Variants in TRPV1 observed in about 807,000 individuals in gnomAD.
The protein encoded by TRPV1 is transient receptor potential cation channel subfamily V member 1.
A neutral mutation model predicts 82.3 loss-of-function variants in TRPV1; 82 were observed. The observed-to-expected ratio is 1.00, with a 90% CI of 0.83 to 1.20. TRPV1 has a LOEUF of 1.20. TRPV1 is among the 50% of genes most tolerant of loss of function. The pLI, the probability that TRPV1 is intolerant of heterozygous loss-of-function variation, is 0.00. For synonymous variants in TRPV1, 515 were observed against 467.7 expected, an observed-to-expected ratio of 1.10 and a Z score of -1.30; for missense variants, 1,067 against 1,096.8, an observed-to-expected ratio of 0.97 and a Z score of 0.38.
intron 11 of TRPV1, among the ~76,000 whole-genome samples, chr17:3,580,017 G>GTATAT (rs2074985280): frequency 1.5e-5 from 2 of 136,654 alleles, no homozygotes; most frequent in Admixed American, 1.5e-4. Context: ...ACGATGCACA[G>GTATAT]GGCAGCCCCC....
intron 15 of TRPV1, among the ~76,000 whole-genome samples, chr17:3,571,918 C>A (rs2074858908): frequency 1.3e-5 from 2 of 152,172 alleles, no homozygotes; most frequent in Non-Finnish European, 1.5e-5. Context: ...AATTTAGTGT[C>A]TGGGCCCCAC....
chr17:3,572,684 C>A (rs1160768961), intron 14 of TRPV1, among the ~76,000 whole-genome samples: 1 of 110,058 alleles, frequency 9.1e-6, no homozygotes, highest in African/African-American at 2.9e-5. Context: ...CTCATTCATT[C>A]AAAAACGGAA....
intron 14 of TRPV1, 122 bp from the exon 15 acceptor site, chr17:3,572,371 G>A: frequency 8.1e-7 from 1 of 1,231,226 alleles, no homozygotes; most frequent in Non-Finnish European, 1.1e-6. Context: ...CAGGGTGGTT[G>A]TCCAGTGCCC....
rs2075313463 is a variant in TRPV1, at chr17:3,608,426, C to A, written c.-34+1G>T. 6.6e-6 allele frequency: 1 copy of A among 152,004 alleles called. No individual in the cohort carries two copies. Among genetic ancestry groups the A allele is most frequent in the Admixed American group, 6.6e-5 (1 of 15,218 alleles). The allele number at this position is 152,004 out of a possible 1,614,324, so 9.4% of individuals were successfully genotyped here. The stretch of plus-strand genomic sequence containing the variant: ...CCCTAATGAAGTAAAAAAAGACTGA[C>A]CTGAACAGAAGCACTGTGATACCAG... On this transcript the variant is annotated splice_donor_variant, in intron 2 of 16. Coordinates refer to ENST00000572705, the MANE Select transcript of TRPV1 (RefSeq NM_080704.4). LOFTEE classifies it low-confidence loss of function (5UTR_SPLICE).
chr17:3,586,876 C>T (rs1302159497), intron 8 of TRPV1, among the ~76,000 whole-genome samples: 1 of 152,190 alleles, frequency 6.6e-6, no homozygotes, highest in African/African-American at 2.4e-5. Context: ...GTCCAACCCC[C>T]ACCCCAAACT....
At position 3,577,590 on chromosome 17, in the gene TRPV1, GA is replaced by G. The variant is rs1567661771; in HGVS notation, c.1713+7del. 3 of 1,569,392 alleles carry G rather than the reference GA, an allele frequency of 1.9e-6. No individual in the cohort carries two copies. ...CTGAGGAGACCCACTGGGGCCCAGG[GA>G]ACCCACCTTCTCTATCATGACGGCA... On this transcript the variant is annotated splice_region_variant and intron_variant, in intron 12 of 16. Transcript: ENST00000572705.
intron 16 of TRPV1, among the ~76,000 whole-genome samples, chr17:3,570,616 C>T (rs1022146762): frequency 1.3e-5 from 2 of 152,142 alleles, no homozygotes; most frequent in South Asian, 2.1e-4. Flanking sequence ...TCTAGGTAAA[C>T]GTCCTCAATT....
At chr17:3,603,473 T>G (rs1237388472) in intron 2 of TRPV1, among the ~76,000 whole-genome samples, 3 of 152,198 alleles carry the variant, frequency 2.0e-5, no homozygotes, top group Non-Finnish European at 4.4e-5. Context: ...CTGTATGGAC[T>G]CCGGCTGGTA....
chr17:3,582,160 A>C (rs983400781), intron 10 of TRPV1, among the ~76,000 whole-genome samples: 4 of 135,926 alleles, frequency 2.9e-5, no homozygotes, highest in Non-Finnish European at 6.2e-5. Context: ...ACTGCACTCC[A>C]GCCTGGGCGA....
At chr17:3,605,899 G>C (rs995309294) in intron 2 of TRPV1, among the ~76,000 whole-genome samples, 5 of 152,128 alleles carry the variant, frequency 3.3e-5, no homozygotes, top group African/African-American at 1.2e-4. Context: ...AGGCTGCTCT[G>C]CTGTGGTGAC....
In TRPV1 at chr17:3,586,926, A is replaced by G. The variant is rs2075092311; in HGVS notation, c.1225-1000T>C. On this transcript the variant is annotated intron_variant, in intron 8 of 16. Coordinates refer to ENST00000572705, the MANE Select transcript of TRPV1 (RefSeq NM_080704.4). ...GAGGTTCCTGATCAGTGTCTTCTTGAATGCCTTTGGGAATGGGAAACTCCT... is the reference window on the plus strand; with the variant it reads ...GAGGTTCCTGATCAGTGTCTTCTTGGATGCCTTTGGGAATGGGAAACTCCT... Among the ~76,000 whole-genome samples the G allele has an allele frequency of 2.0e-5, 3 of 152,106 alleles. No individual in the cohort carries two copies. The South Asian group carries it at 6.2e-4, about 31-fold the overall frequency.
chr17:3,602,876 C>CT (rs2075273631), intron 2 of TRPV1, among the ~76,000 whole-genome samples: 1 of 152,196 alleles, frequency 6.6e-6, no homozygotes, highest in African/African-American at 2.4e-5. Context: ...AATCCCAGCA[C>CT]TTTGGGAGGC....
intron 8 of TRPV1, among the ~76,000 whole-genome samples, chr17:3,587,069 A>C (rs2075093974): frequency 6.6e-6 from 1 of 151,856 alleles, no homozygotes; most frequent in Non-Finnish European, 1.5e-5. Flanking sequence ...ACAAGTCCAC[A>C]CTCCTTGTCC....
At chr17:3,577,377 G>A (rs557326176) in intron 12 of TRPV1, among the ~76,000 whole-genome samples, 185 bp from the exon 13 acceptor site, 2 of 152,208 alleles carry the variant, frequency 1.3e-5, no homozygotes, top group East Asian at 3.9e-4. Flanking sequence ...TTCTGGTCGG[G>A]AGATGGAGGC....
intron 11 of TRPV1, among the ~76,000 whole-genome samples, chr17:3,580,135 C>T (rs1306990834): frequency 1.3e-5 from 2 of 151,174 alleles, no homozygotes; most frequent in African/African-American, 4.9e-5. Flanking sequence ...TCCCCAAAGG[C>T]GGGCGCCATG....
intron 13 of TRPV1, among the ~76,000 whole-genome samples, chr17:3,575,562 A>G (rs188762528): frequency 6.6e-6 from 1 of 152,316 alleles, no homozygotes; most frequent in Non-Finnish European, 1.5e-5. Context: ...CGGATGCTAG[A>G]ACTCCTGGTG....
At chr17:3,595,684 T>A (rs765013530) in intron 2 of TRPV1, 2 of 152,286 alleles carry the variant, frequency 1.3e-5, no homozygotes, top group Non-Finnish European at 1.5e-5. Flanking sequence ...GAGCCTCCCA[T>A]GAACCTTTCG....
At chr17:3,590,567 G>A (rs1241589365) in intron 5 of TRPV1, among the ~76,000 whole-genome samples, 175 bp from the exon 6 acceptor site, 1 of 152,156 alleles carries the variant, frequency 6.6e-6, no homozygotes, top group African/African-American at 2.4e-5. Context: ...AGGGGTCCCA[G>A]CAAGGTCCTG....
intron 14 of TRPV1, 77 bp downstream of exon 14, chr17:3,573,556 G>T: frequency 6.0e-5 from 2 of 33,376 alleles, no homozygotes; most frequent in Non-Finnish European, 1.3e-4. Flanking sequence ...CCCACCTGCA[G>T]CCAGCTGTGT....
Sources: allele counts gnomAD v4.1 joint callset (sites outside exome capture counted in the v4.1 genomes callset), GRCh38; gene constraint gnomAD v4.1.1; transcripts MANE v1.5; gene names NCBI Gene and HGNC (gene_info 2026-07-23, HGNC 2026-07-21).